Variants in GPD2 observed in about 807,000 individuals in gnomAD.
GPD2 encodes glycerol-3-phosphate dehydrogenase 2.
Under a neutral mutation model 82.4 loss-of-function variants are expected in GPD2, and 54 were observed. That is an observed-to-expected ratio of 0.66 (90% CI 0.53 to 0.82). The LOEUF (loss-of-function observed/expected upper bound fraction) is 0.82. Among genes scored for constraint, GPD2 ranks in the 40% least tolerant of loss-of-function variants. GPD2 has a pLI of 0.00. For synonymous variants in GPD2, 288 were observed against 306.1 expected (o/e 0.94, Z 0.62); for missense variants, 748 against 896.2 (o/e 0.83, Z 2.11).
chr2:156,415,076 A>G, the GPD2 span, among the ~76,000 whole-genome samples: 6 of 150,778 alleles, frequency 4.0e-5, no homozygotes, highest in Admixed American at 3.3e-4. Flanking sequence ...AGCAGTATAC[A>G]TTGCACCATA....
intron 1 of GPD2, among the ~76,000 whole-genome samples, chr2:156,454,073 A>G (rs1165569804): frequency 1.3e-5 from 2 of 152,148 alleles, no homozygotes; most frequent in Non-Finnish European, 2.9e-5. Flanking sequence ...AGAGGATAGA[A>G]GAGAAATTGG....
chr2:156,537,243 T>C (rs937001106), intron 6 of GPD2, among the ~76,000 whole-genome samples: 3 of 152,206 alleles, frequency 2.0e-5, no homozygotes, highest in Admixed American at 6.5e-5. Context: ...GACTTAGGAT[T>C]GACTCAGGGA....
At chr2:156,495,156 C>T (rs1378001038) in intron 2 of GPD2, among the ~76,000 whole-genome samples, 1 of 152,034 alleles carries the variant, frequency 6.6e-6, no homozygotes, top group Admixed American at 6.6e-5. Context: ...CGAGACCACG[C>T]TGGGCAACAT....
At chr2:156,491,776 A>G (rs980467635) in intron 2 of GPD2, among the ~76,000 whole-genome samples, 14 of 152,006 alleles carry the variant, frequency 9.2e-5, no homozygotes, top group Non-Finnish European at 2.1e-4. Context: ...TAATCCCAGC[A>G]CTTTGGGAGC....
intron 1 of GPD2, among the ~76,000 whole-genome samples, chr2:156,444,217 G>A (rs185039484): frequency 7.6e-4 from 116 of 152,312 alleles, no homozygotes; most frequent in African/African-American, 2.8e-3. Flanking sequence ...CCTGGAGTTT[G>A]GGGTTTCCTT....
the GPD2 span, among the ~76,000 whole-genome samples, chr2:156,405,912 T>A: frequency 6.6e-6 from 1 of 152,198 alleles, no homozygotes; most frequent in Non-Finnish European, 1.5e-5. Flanking sequence ...CTTGGAGCAC[T>A]TGCTCAAGGT....
At chr2:156,418,231 A>G in the GPD2 span, among the ~76,000 whole-genome samples, 1 of 151,718 alleles carries the variant, frequency 6.6e-6, no homozygotes, top group East Asian at 1.9e-4. Context: ...AAGAAAAAAA[A>G]AAACCCACAA....
chr2:156,451,392 C>T lies in GPD2; in HGVS notation c.-9+14879C>T, dbSNP rs562826165. The stretch of plus-strand genomic sequence containing the variant: ...CTGGGCAGAGGCGCCCCTCACCTCC[C>T]GGACGGGGCAGCTGGCAGGGCGGGG... On this transcript the variant is annotated intron_variant, in intron 1 of 16. Coordinates refer to ENST00000438166, the MANE Select transcript of GPD2 (RefSeq NM_000408.5). Among the ~76,000 whole-genome samples, 584 of 146,176 alleles carry T rather than the reference C, an allele frequency of 4.0e-3. 4 individuals carry two copies. The highest frequency in any genetic ancestry group is 5.6e-3 in the Non-Finnish European group (364 of 65,408).
At chr2:156,540,194 C>CTA (rs1157001511) in intron 6 of GPD2, among the ~76,000 whole-genome samples, 1 of 152,244 alleles carries the variant, frequency 6.6e-6, no homozygotes, top group Non-Finnish European at 1.5e-5. Flanking sequence ...GCACCGAAGA[C>CTA]TTGATTGCTC....
intron 12 of GPD2, 29 bp downstream of exon 12, chr2:156,570,247 T>C (rs754057288): frequency 2.5e-6 from 4 of 1,597,418 alleles, no homozygotes; most frequent in Admixed American, 3.3e-5. Context: ...AGGAATTTCA[T>C]GTCTGCCATG....
intron 6 of GPD2, among the ~76,000 whole-genome samples, chr2:156,532,035 G>C (rs187508578): frequency 6.6e-6 from 1 of 151,830 alleles, no homozygotes; most frequent in Non-Finnish European, 1.5e-5. Flanking sequence ...ACAAAGTCTC[G>C]TTCAGTTGTT....
intron 2 of GPD2, among the ~76,000 whole-genome samples, chr2:156,486,963 C>A (rs1481310338): frequency 2.6e-5 from 4 of 151,900 alleles, no homozygotes; most frequent in Non-Finnish European, 5.9e-5. Context: ...AAAGAGTGAG[C>A]CCTCTTTAAC....
chr2:156,484,311 T>C (rs942017494), intron 2 of GPD2, among the ~76,000 whole-genome samples: 6 of 151,856 alleles, frequency 4.0e-5, no homozygotes, highest in African/African-American at 1.5e-4. Context: ...AATTTTTGTA[T>C]TTTTTAGTAG....
chr2:156,571,687 A>G (rs1687645280), intron 13 of GPD2, among the ~76,000 whole-genome samples: 1 of 152,132 alleles, frequency 6.6e-6, no homozygotes, highest in Admixed American at 6.6e-5. Context: ...CATTTGTGTC[A>G]TTTGAGATTT....
chr2:156,565,169 G>C (rs906424873), intron 9 of GPD2, among the ~76,000 whole-genome samples: 2 of 152,100 alleles, frequency 1.3e-5, no homozygotes, highest in African/African-American at 4.8e-5. Context: ...ATTAGTCAGA[G>C]AGCTTCAAGA....
chr2:156,562,021 T>G (rs1251518881), intron 9 of GPD2, among the ~76,000 whole-genome samples: 1 of 152,210 alleles, frequency 6.6e-6, no homozygotes, highest in African/African-American at 2.4e-5. Context: ...GCGTTTCATA[T>G]TGAGTTAGGA....
At chr2:156,425,399 C>T in the GPD2 span, among the ~76,000 whole-genome samples, 3 of 152,062 alleles carry the variant, frequency 2.0e-5, no homozygotes, top group South Asian at 2.1e-4. Context: ...CTTTTCAAGC[C>T]GTTATTCAAT....
chr2:156,456,245 G>A (rs948441213), intron 1 of GPD2, among the ~76,000 whole-genome samples: 29 of 152,280 alleles, frequency 1.9e-4, no homozygotes, highest in Admixed American at 1.8e-3. Flanking sequence ...TAGAATTGTG[G>A]GATTGGGGTA....
intron 13 of GPD2, among the ~76,000 whole-genome samples, chr2:156,577,353 T>C (rs1352979992): frequency 6.6e-6 from 1 of 152,028 alleles, no homozygotes; most frequent in Non-Finnish European, 1.5e-5. Flanking sequence ...TAGCCAGGCA[T>C]AGTGGCATAT....
Sources: allele counts gnomAD v4.1 joint callset (sites outside exome capture counted in the v4.1 genomes callset), GRCh38; gene constraint gnomAD v4.1.1; transcripts MANE v1.5; gene names NCBI Gene and HGNC (gene_info 2026-07-23, HGNC 2026-07-21).